The following KIF16B variants were observed in gnomAD, a reference collection of about 807,000 sequenced individuals.
KIF16B encodes kinesin-like protein KIF16B.
KIF16B carries 98 observed loss-of-function variants against 156.3 expected under a neutral mutation model. That is an observed-to-expected ratio of 0.63 (90% CI 0.53 to 0.74). The LOEUF (loss-of-function observed/expected upper bound fraction) is 0.74. Among genes scored for constraint, KIF16B ranks in the 30% least tolerant of loss-of-function variants. The pLI, the probability that KIF16B is intolerant of heterozygous loss-of-function variation, is 0.00. For synonymous variants in KIF16B, 564 were observed against 583.7 expected (o/e 0.97, Z 0.49); for missense variants, 1,421 against 1,606.5 (o/e 0.88, Z 1.97).
intron 1 of KIF16B, among the ~76,000 whole-genome samples, chr20:16,547,616 A>AATC (rs2070462854): frequency 5.5e-5 from 2 of 36,402 alleles, no homozygotes; most frequent in Non-Finnish European, 9.1e-5. Flanking sequence ...CTCTGGTCTC[A>AATC]CTCTGAGCAT....
At chr20:16,497,726 ATCTAGGTTTT>A (rs777274680) in intron 10 of KIF16B, 48 bp from the exon 11 acceptor site, 3 of 1,336,776 alleles carry the variant, frequency 2.2e-6, no homozygotes, top group Admixed American at 3.9e-5. Flanking sequence ...AACAGCAATA[ATCTAGGTTTT>A]TCCCTGAATA....
At chr20:16,416,067 T>C (rs1226865850) in intron 15 of KIF16B, among the ~76,000 whole-genome samples, 2 of 152,188 alleles carry the variant, frequency 1.3e-5, no homozygotes. Flanking sequence ...GTTTATTTTT[T>C]CTTGTAAATT....
intron 15 of KIF16B, 68 bp downstream of exon 15, chr20:16,427,036 C>T (rs1344470036): frequency 7.3e-7 from 1 of 1,363,030 alleles, no homozygotes; most frequent in Non-Finnish European, 9.9e-7. Flanking sequence ...ACATGTTCCC[C>T]CATTGCCTAG....
In KIF16B at chr20:16,404,902, C is replaced by G; in HGVS notation, c.1696-1G>C. ...AGCTGAAGGAGGACAGAAGGCCACT[C>G]TAAGGGCAGACACAGGGCAGAGTGG... On this transcript the variant is annotated splice_acceptor_variant, in intron 16 of 25. Coordinates refer to ENST00000354981, the MANE Select transcript of KIF16B (RefSeq NM_024704.5). LOFTEE classifies it high-confidence loss of function. 2 of 1,612,182 alleles carry G rather than the reference C, an allele frequency of 1.2e-6. No homozygotes were observed. Among genetic ancestry groups the G allele is most frequent in the Non-Finnish European group, 1.7e-6 (2 of 1,178,688 alleles).
At chr20:16,304,804 G>T (rs953491500) in intron 25 of KIF16B, among the ~76,000 whole-genome samples, 3 of 152,072 alleles carry the variant, frequency 2.0e-5, no homozygotes, top group African/African-American at 7.2e-5. Flanking sequence ...AACCAAAAAG[G>T]CTCAATCTAT....
intron 12 of KIF16B, among the ~76,000 whole-genome samples, chr20:16,474,437 A>G (rs145535280): frequency 9.2e-5 from 14 of 152,364 alleles, no homozygotes; most frequent in Non-Finnish European, 1.8e-4. Context: ...TATGCTCAGG[A>G]TAGCCTCCTG....
intron 25 of KIF16B, among the ~76,000 whole-genome samples, chr20:16,275,116 C>T (rs142943111): frequency 0.022 from 3,257 of 149,634 alleles, 31 homozygotes; most frequent in African/African-American, 0.028. Context: ...TGCAGTGGCG[C>T]GATCTCAGCT....
chr20:16,385,575 C>T (rs563105446), intron 17 of KIF16B, among the ~76,000 whole-genome samples: 2 of 152,342 alleles, frequency 1.3e-5, no homozygotes, highest in African/African-American at 4.8e-5. Context: ...CCTCAAAGGG[C>T]TGTAGCCAGG....
chr20:16,349,104 G>A (rs1233196001), intron 23 of KIF16B, among the ~76,000 whole-genome samples: 2 of 152,202 alleles, frequency 1.3e-5, no homozygotes, highest in Non-Finnish European at 2.9e-5. Context: ...TGGAGAAGGT[G>A]CACTGGCTCT....
At chr20:16,368,375 G>A (rs987919110) in intron 22 of KIF16B, 2 of 989,376 alleles carry the variant, frequency 2.0e-6, no homozygotes, top group Non-Finnish European at 2.4e-6. Context: ...CGAGCTTCCG[G>A]AGAATGAGAT....
At chr20:16,308,541 G>C (rs924901677) in intron 25 of KIF16B, among the ~76,000 whole-genome samples, 1 of 152,204 alleles carries the variant, frequency 6.6e-6, no homozygotes, top group Non-Finnish European at 1.5e-5. Context: ...TATGAACTGT[G>C]GCTTTGCCAC....
intron 15 of KIF16B, among the ~76,000 whole-genome samples, chr20:16,412,124 A>G (rs1256155560): frequency 6.6e-6 from 1 of 152,048 alleles, no homozygotes; most frequent in Non-Finnish European, 1.5e-5. Flanking sequence ...GAGGAAACAG[A>G]GAAGAGACCA....
rs561217393 is a variant in KIF16B at position 16,419,963 on chromosome 20, A to G, written c.1612+7141T>C. ...ATCAAATTCACATTTTCTTCTTGGTAAAATTCACACTTTCTTGAAGAACTG... is the reference window on the plus strand; with the variant it reads ...ATCAAATTCACATTTTCTTCTTGGTGAAATTCACACTTTCTTGAAGAACTG... On this transcript the variant is annotated intron_variant, in intron 15 of 25. Transcript: ENST00000354981. 1.0e-3 allele frequency among the ~76,000 whole-genome samples: 154 copies of G among 152,280 alleles called. 1 individual carries two copies. The highest frequency in any genetic ancestry group is 3.6e-3 in the African/African-American group (149 of 41,574).
chr20:16,366,903 T>C (rs2064678779), intron 22 of KIF16B: 2 of 1,212,366 alleles, frequency 1.6e-6, no homozygotes, highest in South Asian at 3.1e-5. Context: ...TTTACAAGCC[T>C]GAGTTTCAAG....
At chr20:16,299,084 G>A (rs996868141) in intron 25 of KIF16B, among the ~76,000 whole-genome samples, 8 of 152,258 alleles carry the variant, frequency 5.3e-5, no homozygotes, top group Admixed American at 6.5e-5. Context: ...AATTTGGAGC[G>A]TGTGTGTCTG....
Position 16,379,479 on chromosome 20 carries a change from C to G in KIF16B, c.2523G>C (p.Lys841Asn), listed in dbSNP as rs2065035468. 6.2e-7 allele frequency: 1 copy of G among 1,614,124 alleles called. No homozygotes were observed. The highest frequency in any genetic ancestry group is 2.2e-5 in the East Asian group (1 of 44,878). ...RQLVKLVNLE[K>N]DLVQQKDILK... The stretch of plus-strand genomic sequence containing the variant: ...GGATGTCTTTCTGCTGAACCAGGTC[C>G]TTCTCCAAGTTCACTAGCTTGACAA... The change falls in exon 19 of 26, where the codon AAG becomes AAC. Residue 841 changes from lysine to asparagine, a missense_variant. Coordinates refer to ENST00000354981, the MANE Select transcript of KIF16B (RefSeq NM_024704.5).
At chr20:16,487,315 C>T (rs1371349313) in intron 12 of KIF16B, among the ~76,000 whole-genome samples, 1 of 152,090 alleles carries the variant, frequency 6.6e-6, no homozygotes, top group Non-Finnish European at 1.5e-5. Flanking sequence ...CTCTCCCATG[C>T]TTTGTCTGTA....
At chr20:16,498,457 T>TA (rs2068517917) in intron 10 of KIF16B, among the ~76,000 whole-genome samples, 1 of 152,224 alleles carries the variant, frequency 6.6e-6, no homozygotes, top group African/African-American at 2.4e-5. Flanking sequence ...TGTGTAAACT[T>TA]ACAGTTACTC....
At chr20:16,313,065 G>A (rs2063645054) in intron 24 of KIF16B, among the ~76,000 whole-genome samples, 1 of 152,096 alleles carries the variant, frequency 6.6e-6, no homozygotes, top group South Asian at 2.1e-4. Flanking sequence ...CCTCTTGAAT[G>A]TACAAAAATT....
Sources: allele counts gnomAD v4.1 joint callset (sites outside exome capture counted in the v4.1 genomes callset), GRCh38; gene constraint gnomAD v4.1.1; transcripts MANE v1.5; gene names NCBI Gene and HGNC (gene_info 2026-07-23, HGNC 2026-07-21).